Variants in CLUL1 observed in about 807,000 individuals in gnomAD.
The protein encoded by CLUL1 is clusterin-like protein 1.
Under a neutral mutation model 49.4 loss-of-function variants are expected in CLUL1, and 43 were observed. That is an observed-to-expected ratio of 0.87 (90% confidence interval 0.68 to 1.12). CLUL1 has a LOEUF of 1.12. Among genes scored for constraint, CLUL1 ranks in the 50% most tolerant of loss-of-function variants. The probability of loss-of-function intolerance (pLI) is 0.00; values close to 1 mark genes in which losing one functional copy is unlikely to be tolerated. For missense variants in CLUL1, 486 were observed against 544.4 expected (o/e 0.89, Z 1.07); for synonymous variants, 192 against 184.9 (o/e 1.04, Z -0.31).
At chr18:644,766 T>C in intron 8 of CLUL1, 144 bp from the exon 9 acceptor site, 1 of 539,002 alleles carries the variant, frequency 1.9e-6, no homozygotes, top group Non-Finnish European at 3.2e-6. Flanking sequence ...GAAATAAATC[T>C]TTGTTGCATG....
At position 641,359 on chromosome 18, in the gene CLUL1, T is replaced by G. The variant is rs1210637888; in HGVS notation, c.1027T>G (p.Leu343Val). 6.2e-7 allele frequency: 1 copy of G among 1,614,084 alleles called. No individual in the cohort carries two copies. Among genetic ancestry groups the G allele is most frequent in the East Asian group, 2.2e-5 (1 of 44,894 alleles). Residue 343 changes from leucine (L) to valine (V), a missense_variant, in exon 8 of 10, where the codon TTA (leucine) becomes GTA (valine). By Grantham distance (32) the Leu-to-Val change is conservative. Transcript: ENST00000692774. ...CPDVPALHTE[L>V]DEAIRLVNVS... ...TGATGTACCTGCTCTGCACACAGAA[T>G]TAGACGAGGCGATCAGGTTGGTCAA...
At chr18:641,143 T>G (rs2074332837) in intron 7 of CLUL1, among the ~76,000 whole-genome samples, 184 bp from the exon 8 acceptor site, 1 of 152,238 alleles carries the variant, frequency 6.6e-6, no homozygotes, top group Non-Finnish European at 1.5e-5. Context: ...ACAGTTAAAC[T>G]GGATCTGGTT....
chr18:633,818 CGTGTAAT>C (rs1567972321), intron 7 of CLUL1, among the ~76,000 whole-genome samples: 5 of 22,610 alleles, frequency 2.2e-4, no homozygotes, highest in Non-Finnish European at 4.8e-4. Context: ...CAGGGCGGAG[CGTGTAAT>C]CGGAATGAAT....
intron 5 of CLUL1, among the ~76,000 whole-genome samples, chr18:626,695 C>G (rs1463951859): frequency 2.0e-5 from 3 of 149,980 alleles, no homozygotes; most frequent in East Asian, 4.0e-4. Context: ...CCTGTCTGTA[C>G]TAAAATACAA....
At chr18:635,764 AC>A (rs2074117493) in intron 7 of CLUL1, among the ~76,000 whole-genome samples, 2 of 152,030 alleles carry the variant, frequency 1.3e-5, no homozygotes, top group African/African-American at 4.8e-5. Context: ...AATTGTTACA[AC>A]CGTTTCTGTC....
chr18:630,378 G>T (rs2073958378), intron 6 of CLUL1, among the ~76,000 whole-genome samples: 1 of 149,628 alleles, frequency 6.7e-6, no homozygotes, highest in South Asian at 2.1e-4. Flanking sequence ...CAAAGTGCTG[G>T]GATTACAGGC....
intron 7 of CLUL1, among the ~76,000 whole-genome samples, chr18:634,423 T>C (rs113926098): frequency 0.095 from 14,464 of 152,172 alleles, 848 homozygotes; most frequent in African/African-American, 0.15. Flanking sequence ...TGAACCACCG[T>C]GCCTGGCCTG....
At chr18:611,407 G>C (rs536579033) in intron 2 of CLUL1, among the ~76,000 whole-genome samples, 5 of 151,930 alleles carry the variant, frequency 3.3e-5, no homozygotes, top group South Asian at 4.2e-4. Flanking sequence ...GAATTAAAAG[G>C]ATTAGGAGGG....
At chr18:604,910 C>T (rs548885916) in intron 1 of CLUL1, among the ~76,000 whole-genome samples, 1 of 152,296 alleles carries the variant, frequency 6.6e-6, no homozygotes, top group African/African-American at 2.4e-5. Flanking sequence ...CCTGGTGGCT[C>T]CACCGCCCTC....
At chr18:646,962 G>T (rs1343520917) in intron 9 of CLUL1, among the ~76,000 whole-genome samples, 1 of 151,946 alleles carries the variant, frequency 6.6e-6, no homozygotes, top group African/African-American at 2.4e-5. Context: ...TGTTGGCCAG[G>T]CTGGTCTTGA....
At position 641,454 on chromosome 18, in the gene CLUL1, G is replaced by T; in HGVS notation, c.1122G>T (p.Leu374=). 1 of 1,614,182 alleles carries T rather than the reference G, an allele frequency of 6.2e-7. No individual in the cohort carries two copies. The highest frequency in any genetic ancestry group is 1.1e-5 in the South Asian group (1 of 91,084). The change falls in exon 8 of 10, where the codon CTG becomes CTT. Residue 374 remains leucine (L), a synonymous_variant. Coordinates refer to ENST00000692774, the MANE Select transcript of CLUL1 (RefSeq NM_001393344.1). ...AGCACTTGGAGGACACCGCCTATCTGGTGGAGAAGATGAGAGGGCAATTTG... is the reference window on the plus strand; with the variant it reads ...AGCACTTGGAGGACACCGCCTATCTTGTGGAGAAGATGAGAGGGCAATTTG... The part of the protein sequence containing the change: ...TRKHLEDTAY[L]VEKMRGQFGW...
intron 8 of CLUL1, 141 bp from the exon 9 acceptor site, chr18:644,769 G>A (rs2074425141): frequency 5.5e-6 from 3 of 541,126 alleles, no homozygotes; most frequent in Non-Finnish European, 9.6e-6. Context: ...ATAAATCTTT[G>A]TTGCATGAAG....
intron 2 of CLUL1, chr18:612,921 A>C (rs2073182362): frequency 5.4e-6 from 1 of 184,408 alleles, no homozygotes; most frequent in South Asian, 1.9e-4. Flanking sequence ...GGTAAAATGG[A>C]AATTTTAAAT....
chr18:620,975 C>G (rs1467189350), intron 4 of CLUL1, among the ~76,000 whole-genome samples: 1 of 151,968 alleles, frequency 6.6e-6, no homozygotes, highest in African/African-American at 2.4e-5. Flanking sequence ...GAGTAAATTA[C>G]TTTTTAAATT....
intron 7 of CLUL1, among the ~76,000 whole-genome samples, chr18:635,886 G>A (rs2074122720): frequency 1.3e-5 from 2 of 152,130 alleles, no homozygotes; most frequent in Non-Finnish European, 2.9e-5. Flanking sequence ...ACAGGCACGC[G>A]CCACCATACC....
At chr18:605,252 G>A (rs1308785954) in intron 1 of CLUL1, among the ~76,000 whole-genome samples, 7 of 152,178 alleles carry the variant, frequency 4.6e-5, no homozygotes, top group African/African-American at 1.7e-4. Context: ...AAGCATTCTT[G>A]TATCATGGCA....
intron 2 of CLUL1, chr18:612,713 T>A (rs1288191518): frequency 2.0e-5 from 3 of 152,238 alleles, no homozygotes; most frequent in Non-Finnish European, 2.9e-5. Context: ...TTCATAACAG[T>A]TGTCATGCTT....
chr18:626,785 C>T (rs980509716), intron 5 of CLUL1, among the ~76,000 whole-genome samples: 2 of 148,034 alleles, frequency 1.4e-5, no homozygotes, highest in Non-Finnish European at 3.0e-5. Context: ...CACTTGAACC[C>T]AGGAGGCGGA....
At chr18:646,523 CA>C (rs2074514146) in intron 9 of CLUL1, among the ~76,000 whole-genome samples, 1 of 151,564 alleles carries the variant, frequency 6.6e-6, no homozygotes, top group Non-Finnish European at 1.5e-5. Context: ...CACACACACA[CA>C]CACACACACA....
Sources: allele counts gnomAD v4.1 joint callset (sites outside exome capture counted in the v4.1 genomes callset), GRCh38; gene constraint gnomAD v4.1.1; transcripts MANE v1.5; gene names NCBI Gene and HGNC (gene_info 2026-07-23, HGNC 2026-07-21).